NEFH: variants seen among roughly 807,000 people sequenced by gnomAD.
NEFH encodes neurofilament heavy chain.
In NEFH, 58 loss-of-function variants were observed where a neutral mutation model predicts 56.6. That is an observed-to-expected ratio of 1.03 (90% confidence interval 0.83 to 1.28). The LOEUF (loss-of-function observed/expected upper bound fraction) is 1.28, where lower values mean the gene tolerates loss of function less well. Among genes scored for constraint, NEFH ranks in the 50% most tolerant of loss-of-function variants. The pLI is 0.00. For synonymous variants in NEFH, 542 were observed against 545.8 expected (o/e 0.99, Z 0.10); for missense variants, 1,221 against 1,307.6 (o/e 0.93, Z 1.02).
chr22:29,480,832 G>A lies in NEFH; in HGVS notation c.570G>A (p.Arg190=). 2.9e-6 allele frequency: 4 copies of A among 1,393,052 alleles called. No individual in the cohort carries two copies. Among genetic ancestry groups the A allele is most frequent in the African/African-American group, 1.5e-5 (1 of 65,314 alleles). 86.3% of individuals were successfully genotyped at this position (1,393,052 alleles called of 1,614,324 possible). A position where few individuals can be genotyped will look rare whatever the true frequency, so the allele number is the denominator to read the frequency against. The change falls in exon 1 of 4, where the codon CGG becomes CGA. Residue 190 remains arginine, a synonymous_variant. Coordinates refer to ENST00000310624, the MANE Select transcript of NEFH (RefSeq NM_021076.4). ...GCCAGCGCCTAGACGACGAGGCCCG[G>A]CAGCGAGAGGAGGCCGAGGCGGCGG... ...HVRQRLDDEA[R]QREEAEAAAR... is the part of the protein sequence containing the mutation.
chr22:29,484,692 G>A (rs1313849083), intron 2 of NEFH, among the ~76,000 whole-genome samples: 1 of 152,128 alleles, frequency 6.6e-6, no homozygotes, highest in Non-Finnish European at 1.5e-5. Flanking sequence ...AGCTGGGTAT[G>A]GTTGTGTGTG....
At position 29,480,541 on chromosome 22, in the gene NEFH, C is replaced by T. The variant is rs2062997821; in HGVS notation, c.279C>T (p.Thr93=). ...GPEGCMVAVA[T]SRSEKEQLQA... ...AGGGCTGCATGGTGGCGGTGGCCAC[C>T]TCACGCAGTGAGAAGGAGCAGCTGC... The change falls in exon 1 of 4, where the codon ACC becomes ACT. Residue 93 remains threonine (T), a synonymous_variant. Coordinates refer to ENST00000310624, the MANE Select transcript of NEFH (RefSeq NM_021076.4). 4 of 1,538,486 alleles carry T rather than the reference C, an allele frequency of 2.6e-6. No individual in the cohort carries two copies. The highest frequency in any genetic ancestry group is 3.5e-6 in the Non-Finnish European group (4 of 1,148,894).
At chr22:29,486,890 C>A (rs2063047973) in intron 3 of NEFH, among the ~76,000 whole-genome samples, 1 of 152,208 alleles carries the variant, frequency 6.6e-6, no homozygotes, top group Non-Finnish European at 1.5e-5. Flanking sequence ...CTTATCCCCT[C>A]CCCAGATCCA....
Position 29,483,369 on chromosome 22 carries a change from C to T in NEFH, c.884-6C>T, listed in dbSNP as rs2063023408. On this transcript the variant is annotated splice_region_variant and splice_polypyrimidine_tract_variant and intron_variant, in intron 1 of 3. Coordinates refer to ENST00000310624, the MANE Select transcript of NEFH (RefSeq NM_021076.4). ...TAACCCTGTGCCCTGCTACCTTCTC[C>T]CCCAGTGAGGCTGGACCGACTGTCG... 1.2e-6 allele frequency: 2 copies of T among 1,613,608 alleles called. No homozygotes were observed. The highest frequency in any genetic ancestry group is 2.2e-5 in the South Asian group (2 of 91,090).
chr22:29,491,107 T>C lies in NEFH; in HGVS notation c.*404T>C. On this transcript the variant is annotated 3_prime_UTR_variant, in exon 4 of 4. Transcript: ENST00000310624. ...ACATTATGCTTGAGATGTCTTAACCTATTCCCAAATGCCTTCTGTTTTCCA... is the reference window on the plus strand; with the variant it reads ...ACATTATGCTTGAGATGTCTTAACCCATTCCCAAATGCCTTCTGTTTTCCA... 3.0e-6 allele frequency: 1 copy of C among 337,426 alleles called. No homozygotes were observed. The highest frequency in any genetic ancestry group is 2.5e-5 in the South Asian group (1 of 40,134). The allele number at this position is 337,426 out of a possible 1,614,324, so 20.9% of individuals were successfully genotyped here.
At chr22:29,486,876 G>A (rs1205303005) in intron 3 of NEFH, among the ~76,000 whole-genome samples, 1 of 152,192 alleles carries the variant, frequency 6.6e-6, no homozygotes, top group Non-Finnish European at 1.5e-5. Flanking sequence ...GACGGTGGAA[G>A]TTCCTTATCC....
chr22:29,482,400 C>G (rs1437928339), intron 1 of NEFH, among the ~76,000 whole-genome samples: 2 of 152,212 alleles, frequency 1.3e-5, no homozygotes, highest in Non-Finnish European at 2.9e-5. Context: ...AAAGACCAGT[C>G]TCCAGACCTC....
Position 29,483,538 on chromosome 22 carries a change from G to A in NEFH, c.1047G>A (p.Leu349=). ...CACTGGAGAGGCAGCGCTCTGAGCT[G>A]GAGGACCGTCATCAGGCCGACATTG... ...KDSLERQRSE[L]EDRHQADIAS... The change falls in exon 2 of 4, where the codon CTG becomes CTA. Residue 349 remains leucine (L), a synonymous_variant. Coordinates refer to ENST00000310624, the MANE Select transcript of NEFH (RefSeq NM_021076.4). 1 of 1,613,880 alleles carries A rather than the reference G, an allele frequency of 6.2e-7. No individual in the cohort carries two copies. Among genetic ancestry groups the A allele is most frequent in the South Asian group, 1.1e-5 (1 of 91,088 alleles).
rs553569397 is a variant in NEFH at position 29,490,043 on chromosome 22, T to C, written c.2403T>C (p.Ser801=). The change falls in exon 4 of 4, where the codon TCT becomes TCC. Residue 801 remains serine, a synonymous_variant. Transcript: ENST00000310624. ...EEVKSPEKAK[S]PLKEDAKAPE... is the part of the protein sequence containing the mutation. ...TCAAGTCCCCAGAGAAGGCGAAATC[T>C]CCCCTGAAGGAGGATGCCAAGGCCC... The C allele has an allele frequency of 5.6e-6, 9 of 1,609,222 alleles. No homozygotes were observed. In the East Asian group the frequency reaches 2.0e-4, roughly 36 times the overall value.
chr22:29,483,352 T>G, intron 1 of NEFH, 23 bp from the exon 2 acceptor site: 1 of 1,612,356 alleles, frequency 6.2e-7, no homozygotes, highest in Non-Finnish European at 8.5e-7. Context: ...TCTAACCCTG[T>G]GCCCTGCTAC....
rs182642060 is a variant in NEFH at position 29,486,196 on chromosome 22, T to A, written c.1208+349T>A. Among the ~76,000 whole-genome samples, 195 of 151,626 alleles carry A rather than the reference T, an allele frequency of 1.3e-3. 1 individual carries two copies. The highest frequency in any genetic ancestry group is 4.3e-3 in the Admixed American group (65 of 15,242). On this transcript the variant is annotated intron_variant, in intron 3 of 3. Transcript: ENST00000310624. ...ACCACGCCTGGCTAATTTTTATTTT[T>A]TTTTTTTTAGTAGAAACAGGGTTTC... is the stretch of plus-strand genomic sequence containing the variant.
Position 29,480,484 on chromosome 22 carries a change from C to T in NEFH, c.222C>T (p.Thr74=), listed in dbSNP as rs1413495861. 2.3e-5 allele frequency: 36 copies of T among 1,533,456 alleles called. No homozygotes were observed. The highest frequency in any genetic ancestry group is 3.0e-5 in the Non-Finnish European group (34 of 1,146,442). The allele number at this position is 1,533,456 out of a possible 1,614,324, so 95.0% of individuals were successfully genotyped here. Residue 74 remains threonine, a synonymous_variant, in exon 1 of 4, where the codon ACC becomes ACT. Coordinates refer to ENST00000310624, the MANE Select transcript of NEFH (RefSeq NM_021076.4). ...RFRGAGAASS[T]DSLDTLSNGP... Reference sequence around the variant, plus strand: ...GTGGCGCAGGCGCCGCCTCAAGCACCGACTCGCTGGACACGCTGAGCAACG... The same window carrying T: ...GTGGCGCAGGCGCCGCCTCAAGCACTGACTCGCTGGACACGCTGAGCAACG...
Position 29,481,111 on chromosome 22 carries a change from G to A in NEFH, c.849G>A (p.Val283=). 6.5e-7 allele frequency: 1 copy of A among 1,531,602 alleles called. No individual in the cohort carries two copies. Among genetic ancestry groups the A allele is most frequent in the Non-Finnish European group, 8.7e-7 (1 of 1,145,554 alleles). 94.9% of individuals were successfully genotyped at this position (1,531,602 alleles called of 1,614,324 possible). A position where few individuals can be genotyped will look rare whatever the true frequency, so the allele number is the denominator to read the frequency against. Residue 283 remains valine (V), a synonymous_variant, in exon 1 of 4, where the codon GTG becomes GTA. Transcript: ENST00000310624. ...EIRAQLEGHA[V]QSTLQSEEWF... ...GCGCGCAGCTTGAAGGCCACGCGGT[G>A]CAGAGCACGCTGCAGTCCGAGGAGT... is the stretch of plus-strand genomic sequence containing the variant.
At position 29,480,712 on chromosome 22, in the gene NEFH, C is replaced by G; in HGVS notation, c.450C>G (p.Val150=). ...TGGGCGAGCTGTACGAGCGCGAGGTCCGCGAGATGCGCGGCGCGGTGCTGC... is the reference window on the plus strand; with the variant it reads ...TGGGCGAGCTGTACGAGCGCGAGGTGCGCGAGATGCGCGGCGCGGTGCTGC... The part of the protein sequence containing the change: ...SAMGELYERE[V]REMRGAVLRL... The change falls in exon 1 of 4, where the codon GTC becomes GTG. Residue 150 remains valine, a synonymous_variant. Transcript: ENST00000310624. The G allele has an allele frequency of 6.6e-7, 1 of 1,515,468 alleles. No individual in the cohort carries two copies. The highest frequency in any genetic ancestry group is 8.8e-7 in the Non-Finnish European group (1 of 1,140,066). 93.9% of individuals were successfully genotyped at this position (1,515,468 alleles called of 1,614,324 possible). A position where few individuals can be genotyped will look rare whatever the true frequency, so the allele number is the denominator to read the frequency against.
rs1239342211 is a variant in NEFH, at chr22:29,490,636, G to A, written c.2996G>A (p.Ser999Asn). The A allele has an allele frequency of 1.9e-6, 3 of 1,614,106 alleles. No homozygotes were observed. Among genetic ancestry groups the A allele is most frequent in the Admixed American group, 1.7e-5 (1 of 59,996 alleles). The change falls in exon 4 of 4, where the codon AGC (serine) becomes AAC (asparagine). Residue 999 changes from serine to asparagine, a missense_variant. By Grantham distance (46) the Ser-to-Asn change is conservative. Transcript: ENST00000310624. ...PKAEKAEKSS[S>N]TDQKDSKPPE... ...GCAGAAAAGGCTGAAAAATCCTCCA[G>A]CACAGACCAAAAAGACAGCAAGCCT...
chr22:29,484,641 G>A (rs1019218040), intron 2 of NEFH, among the ~76,000 whole-genome samples: 8 of 152,090 alleles, frequency 5.3e-5, no homozygotes, highest in Non-Finnish European at 1.0e-4. Context: ...GCGACAGAGC[G>A]AGACTCTGTC....
chr22:29,484,040 G>C (rs2063029479), intron 2 of NEFH, among the ~76,000 whole-genome samples: 1 of 151,948 alleles, frequency 6.6e-6, no homozygotes, highest in South Asian at 2.1e-4. Context: ...AGTATTGACA[G>C]GGTTTCACCA....
intron 3 of NEFH, 63 bp downstream of exon 3, chr22:29,485,910 T>G: frequency 1.9e-6 from 3 of 1,604,028 alleles, no homozygotes; most frequent in Admixed American, 3.3e-5. Flanking sequence ...ACGCTAAGCC[T>G]TGGGTTTCAA....
Position 29,480,560 on chromosome 22 carries a change from C to G in NEFH, c.298C>G (p.Gln100Glu), listed in dbSNP as rs1349792874. The change falls in exon 1 of 4, where the codon CAG (glutamine) becomes GAG (glutamate). Residue 100 changes from glutamine to glutamate, a missense_variant. Gln to Glu is a conservative substitution (Grantham distance 29, BLOSUM62 2). Coordinates refer to ENST00000310624, the MANE Select transcript of NEFH (RefSeq NM_021076.4). ...GGCCACCTCACGCAGTGAGAAGGAG[C>G]AGCTGCAGGCGCTGAACGACCGCTT... is the stretch of plus-strand genomic sequence containing the variant. ...AVATSRSEKE[Q>E]LQALNDRFAG... is the part of the protein sequence containing the mutation. 1 of 1,542,830 alleles carries G rather than the reference C, an allele frequency of 6.5e-7. No individual in the cohort carries two copies. Among genetic ancestry groups the G allele is most frequent in the African/African-American group, 1.4e-5 (1 of 73,792 alleles).
Sources: allele counts gnomAD v4.1 joint callset (sites outside exome capture counted in the v4.1 genomes callset), GRCh38; gene constraint gnomAD v4.1.1; transcripts MANE v1.5; gene names NCBI Gene and HGNC (gene_info 2026-07-23, HGNC 2026-07-21).